The following CDH23 variants were observed in gnomAD, a reference collection of about 807,000 sequenced individuals.
CDH23 encodes cadherin related 23.
CDH23 carries 189 observed loss-of-function variants against 317.1 expected under a neutral mutation model. The ratio of observed to expected loss-of-function variants is 0.60; its 90% CI spans 0.53 to 0.67. The LOEUF is 0.67. Among genes scored for constraint, CDH23 ranks in the 30% least tolerant of loss-of-function variants. The pLI, the probability that CDH23 is intolerant of heterozygous loss-of-function variation, is 0.00. For synonymous variants in CDH23, 1,839 were observed against 1,876.8 expected, an observed-to-expected ratio of 0.98 and a Z score of 0.52; for missense variants, 4,401 against 4,592.4, an observed-to-expected ratio of 0.96 and a Z score of 1.20.
chr10:71,720,420 A>AACACACACACACACACACACAC (rs57346519), intron 28 of CDH23, among the ~76,000 whole-genome samples: 1 of 145,750 alleles, frequency 6.9e-6, no homozygotes, highest in African/African-American at 2.6e-5. Context: ...CTCTTTCCAA[A>AACACACACACACACACACACAC]ACACACACAC....
intron 9 of CDH23, among the ~76,000 whole-genome samples, chr10:71,613,112 G>C (rs1017984519): frequency 1.3e-5 from 2 of 152,246 alleles, no homozygotes; most frequent in African/African-American, 4.8e-5. Context: ...GCCTCCCAAA[G>C]TGCTGGGATT....
chr10:71,561,501 CATT>C (rs1857129469), intron 6 of CDH23, among the ~76,000 whole-genome samples: 1 of 152,154 alleles, frequency 6.6e-6, no homozygotes, highest in Non-Finnish European at 1.5e-5. Context: ...AGCTATTTAT[CATT>C]ATTATTAACA....
rs746329116 is a variant in CDH23 at position 71,798,550 on chromosome 10, G to C, written c.7026G>C (p.Gly2342=). ...TYTLLDLVPP[G]YVQLEDSSAG... Reference sequence around the variant, plus strand: ...CCCTGCTGGACCTGGTGCCCCCAGGGTATGTCCAGCTGGAGGACTCCTCGG... The same window carrying C: ...CCCTGCTGGACCTGGTGCCCCCAGGCTATGTCCAGCTGGAGGACTCCTCGG... The change falls in exon 50 of 70, where the codon GGG becomes GGC. Residue 2342 remains glycine (G), a synonymous_variant. Transcript: ENST00000224721. The C allele has an allele frequency of 3.7e-6, 6 of 1,612,656 alleles. No individual in the cohort carries two copies. In the African/African-American group the frequency reaches 8.0e-5, roughly 22 times the overall value.
rs369996976 is a variant in CDH23, at chr10:71,812,905, C to G, written c.9633+15C>G. On this transcript the variant is annotated intron_variant, in intron 68 of 69. Transcript: ENST00000224721. ...GGCCAATCAAGGTGAGCCTTCCCTG[C>G]AGGCTCCGCGCCCAGTCCCTTGGCT... 6.1e-5 allele frequency: 99 copies of G among 1,612,110 alleles called. No homozygotes were observed. The highest frequency in any genetic ancestry group is 8.1e-5 in the Non-Finnish European group (95 of 1,179,188).
intron 6 of CDH23, among the ~76,000 whole-genome samples, chr10:71,540,957 G>T (rs1468145313): frequency 6.6e-6 from 1 of 151,864 alleles, no homozygotes; most frequent in African/African-American, 2.4e-5. Context: ...TGGAACCCAG[G>T]TTCCTCCCAC....
intron 9 of CDH23, among the ~76,000 whole-genome samples, chr10:71,597,193 C>G (rs1349378641): frequency 6.6e-6 from 1 of 151,622 alleles, no homozygotes; most frequent in Non-Finnish European, 1.5e-5. Flanking sequence ...GAACCGATGG[C>G]AGTCCTGGGG....
At chr10:71,726,119 G>T (rs555104570) in intron 30 of CDH23, among the ~76,000 whole-genome samples, 1 of 152,238 alleles carries the variant, frequency 6.6e-6, no homozygotes, top group South Asian at 2.1e-4. Flanking sequence ...GTTCCCACTG[G>T]TTGTGTTATG....
intron 1 of CDH23, among the ~76,000 whole-genome samples, chr10:71,416,568 G>A (rs897870994): frequency 2.6e-5 from 4 of 151,996 alleles, no homozygotes; most frequent in African/African-American, 9.7e-5. Flanking sequence ...ATTTTCCTTT[G>A]GAGTAATTTT....
At chr10:71,628,054 C>G (rs1861831500) in intron 11 of CDH23, among the ~76,000 whole-genome samples, 1 of 152,220 alleles carries the variant, frequency 6.6e-6, no homozygotes, top group South Asian at 2.1e-4. Flanking sequence ...ATACCCCTAA[C>G]AGTGACAGGT....
At chr10:71,598,203 G>A (rs193007672) in intron 9 of CDH23, among the ~76,000 whole-genome samples, 96 of 152,342 alleles carry the variant, frequency 6.3e-4, no homozygotes, top group Admixed American at 1.0e-3. Context: ...GAGGGAGAGT[G>A]AGTACATCTG....
intron 3 of CDH23, among the ~76,000 whole-genome samples, chr10:71,498,280 C>T (rs546341291): frequency 2.2e-4 from 33 of 152,298 alleles, no homozygotes; most frequent in African/African-American, 7.9e-4. Context: ...GCTCCCAAAG[C>T]TTCTCCTGTG....
chr10:71,632,422 T>G (rs1862055786), intron 11 of CDH23, among the ~76,000 whole-genome samples: 1 of 152,230 alleles, frequency 6.6e-6, no homozygotes. Context: ...CTCAGAGCTA[T>G]GCTTTAGGTT....
chr10:71,611,773 G>A (rs966238293), intron 9 of CDH23, among the ~76,000 whole-genome samples: 2 of 152,132 alleles, frequency 1.3e-5, no homozygotes, highest in African/African-American at 4.8e-5. Flanking sequence ...TTAGCTCAGC[G>A]AGTACTTACA....
chr10:71,738,818 AG>A lies in CDH23; in HGVS notation c.4359+172del, dbSNP rs113669109. ...CAGGGAGAAGGGACAGAGCTGCCTC[AG>A]AGCTATGCAGGCCGGTGGCCCTGCC... On this transcript the variant is annotated intron_variant, in intron 35 of 69. Coordinates refer to ENST00000224721, the MANE Select transcript of CDH23 (RefSeq NM_022124.6). 0.038 allele frequency among the ~76,000 whole-genome samples: 5,755 copies of A among 152,356 alleles called. 159 individuals are homozygous for A. The highest frequency in any genetic ancestry group is 0.086 in the East Asian group (442 of 5,166).
chr10:71,552,364 T>C (rs10999876), intron 6 of CDH23, among the ~76,000 whole-genome samples: 20,127 of 152,208 alleles, frequency 0.13, 1,745 homozygotes, highest in East Asian at 0.39. Context: ...TATAGTGCCC[T>C]TGACTCTCAG....
In CDH23 at chr10:71,431,766, C is replaced by A. The variant is rs114580830; in HGVS notation, c.-5-8061C>A. Among the ~76,000 whole-genome samples the A allele has an allele frequency of 6.0e-3, 918 of 152,208 alleles. 8 individuals carry two copies. The highest frequency in any genetic ancestry group is 0.021 in the African/African-American group (884 of 41,536). ...TTCCCCCTGCTCTATTCTCTCATGT[C>A]CCCCCCTGCCTGCTAGGCCAGGAGG... is the stretch of plus-strand genomic sequence containing the variant. On this transcript the variant is annotated intron_variant, in intron 1 of 69. Transcript: ENST00000224721.
At chr10:71,417,466 T>C (rs1004894184) in intron 1 of CDH23, among the ~76,000 whole-genome samples, 2 of 152,250 alleles carry the variant, frequency 1.3e-5, no homozygotes, top group Non-Finnish European at 2.9e-5. Context: ...TTTCAATCAG[T>C]TTCAAAAGAT....
chr10:71,756,665 G>T (rs916824380), intron 38 of CDH23, among the ~76,000 whole-genome samples: 7 of 152,206 alleles, frequency 4.6e-5, no homozygotes, highest in South Asian at 2.1e-4. Flanking sequence ...CAGGAGTTTA[G>T]CTGGGAACAG....
At chr10:71,779,502 G>A (rs550288899) in intron 41 of CDH23, 55 bp downstream of exon 41, 10 of 1,466,334 alleles carry the variant, frequency 6.8e-6, no homozygotes, top group South Asian at 5.4e-5. Flanking sequence ...CACCCGCTCA[G>A]GGGAGGATAA....
Sources: allele counts gnomAD v4.1 joint callset (sites outside exome capture counted in the v4.1 genomes callset), GRCh38; gene constraint gnomAD v4.1.1; transcripts MANE v1.5; gene names NCBI Gene and HGNC (gene_info 2026-07-23, HGNC 2026-07-21).